NCKAP5: variants seen among roughly 807,000 people sequenced by gnomAD.
The protein encoded by NCKAP5 is nck-associated protein 5.
NCKAP5 carries 92 observed loss-of-function variants against 167.0 expected under a neutral mutation model. That is an observed-to-expected ratio of 0.55 (90% CI 0.47 to 0.66). The LOEUF is 0.66. NCKAP5 is among the 30% of genes least tolerant of loss of function. NCKAP5 has a pLI of 0.00. For synonymous variants in NCKAP5, 891 were observed against 877.4 expected, an observed-to-expected ratio of 1.02 and a Z score of -0.27; for missense variants, 2,378 against 2,315.0, an observed-to-expected ratio of 1.03 and a Z score of -0.56.
intron 6 of NCKAP5, among the ~76,000 whole-genome samples, chr2:133,057,535 C>T (rs1022671666): frequency 6.6e-6 from 1 of 152,166 alleles, no homozygotes; most frequent in Admixed American, 6.5e-5. Context: ...GTATAGAGGA[C>T]AAAGCAGCTA....
rs1168320144 is a variant in NCKAP5, at chr2:132,783,702, G to C, written c.3109C>G (p.Pro1037Ala). 3 of 1,613,582 alleles carry C rather than the reference G, an allele frequency of 1.9e-6. No individual in the cohort carries two copies. The highest frequency in any genetic ancestry group is 2.5e-6 in the Non-Finnish European group (3 of 1,179,720). Residue 1037 changes from proline to alanine, a missense_variant, in exon 14 of 20, where the codon CCA (proline) becomes GCA (alanine). By Grantham distance (27) the Pro-to-Ala change is conservative (BLOSUM62 -1). Around this residue, in one of 3 missense-constraint regions of NCKAP5, gnomAD observed 1,325 missense variants for 1,274.5 expected, o/e 1.04. Coordinates refer to ENST00000409261, the MANE Select transcript of NCKAP5 (RefSeq NM_207363.3). Reference sequence around the variant, plus strand: ...ACACCTCTCTTCGGAGAGACCTTTGGAGGCCCCAGAGCCATTACGGTGAAG... The same window carrying C: ...ACACCTCTCTTCGGAGAGACCTTTGCAGGCCCCAGAGCCATTACGGTGAAG... ...SSFTVMALGP[P>A]KVSPKRGVPK...
intron 7 of NCKAP5, among the ~76,000 whole-genome samples, chr2:132,978,273 C>A (rs1454374017): frequency 2.6e-5 from 4 of 152,142 alleles, no homozygotes; most frequent in African/African-American, 9.7e-5. Context: ...AAAGCTCTTC[C>A]AAATTAATCC....
At chr2:133,638,857 C>CAAAAAAAA in the NCKAP5 span, among the ~76,000 whole-genome samples, 4 of 84,058 alleles carry the variant, frequency 4.8e-5, no homozygotes, top group East Asian at 3.6e-4. Flanking sequence ...GACTCTATCT[C>CAAAAAAAA]AAAAAAAAAA....
At position 133,283,013 on chromosome 2, in the gene NCKAP5, A is replaced by C. The variant is rs565435901; in HGVS notation, c.143+20024T>G. On this transcript the variant is annotated intron_variant, in intron 4 of 19. Coordinates refer to ENST00000409261, the MANE Select transcript of NCKAP5 (RefSeq NM_207363.3). ...TCTTCCAGGGGCTTATTGTTTAACA[A>C]GAAAGACATAGGGTATTAACCTACC... Among the ~76,000 whole-genome samples, 4 of 152,346 alleles carry C rather than the reference A, an allele frequency of 2.6e-5. No individual in the cohort carries two copies. In the South Asian group the frequency reaches 8.3e-4, roughly 32 times the overall value.
intron 11 of NCKAP5, among the ~76,000 whole-genome samples, chr2:132,849,684 A>G (rs777249222): frequency 6.6e-6 from 1 of 152,196 alleles, no homozygotes; most frequent in Non-Finnish European, 1.5e-5. Flanking sequence ...GAGGTCACCT[A>G]GTCAGCATGT....
At chr2:133,292,274 A>G (rs1026740283) in intron 4 of NCKAP5, among the ~76,000 whole-genome samples, 2 of 152,010 alleles carry the variant, frequency 1.3e-5, no homozygotes, top group Non-Finnish European at 2.9e-5. Context: ...AAGCCATGGT[A>G]AATTACCCAT....
intron 6 of NCKAP5, among the ~76,000 whole-genome samples, chr2:133,062,893 A>G (rs1319520604): frequency 6.6e-6 from 1 of 152,130 alleles, no homozygotes; most frequent in African/African-American, 2.4e-5. Context: ...ATTTCATGGG[A>G]AAAAAATAAC....
chr2:132,886,025 C>T (rs555110016), intron 8 of NCKAP5, among the ~76,000 whole-genome samples: 37 of 152,292 alleles, frequency 2.4e-4, no homozygotes, highest in African/African-American at 7.2e-4. Flanking sequence ...AGCTCCCATG[C>T]TCCTTCCTGG....
At chr2:133,235,593 G>C (rs893839950) in intron 4 of NCKAP5, among the ~76,000 whole-genome samples, 1 of 152,058 alleles carries the variant, frequency 6.6e-6, no homozygotes, top group Non-Finnish European at 1.5e-5. Flanking sequence ...AATAATGCCA[G>C]AAAGTGGTGG....
chr2:133,021,037 A>G (rs1302083223), intron 6 of NCKAP5, among the ~76,000 whole-genome samples: 1 of 152,206 alleles, frequency 6.6e-6, no homozygotes, highest in Non-Finnish European at 1.5e-5. Context: ...CTAACCCTCC[A>G]TTCAGCACAC....
At chr2:132,817,826 C>T (rs1686394183) in intron 11 of NCKAP5, among the ~76,000 whole-genome samples, 1 of 152,170 alleles carries the variant, frequency 6.6e-6, no homozygotes, top group Non-Finnish European at 1.5e-5. Flanking sequence ...TCCACAGAAC[C>T]CAGCCCTACT....
chr2:132,886,788 C>T lies in NCKAP5; in HGVS notation c.580-7872G>A, dbSNP rs542116829. Among the ~76,000 whole-genome samples the T allele has an allele frequency of 4.6e-5, 7 of 152,262 alleles. No individual in the cohort carries two copies. The South Asian group carries it at 1.5e-3, about 32-fold the overall frequency. On this transcript the variant is annotated intron_variant, in intron 8 of 19. Transcript: ENST00000409261. ...CACATGATACCAATTTATCCTATTA[C>T]TACAGGTGGAGTATCTCTAATCTGA...
chr2:132,727,735 G>C (rs140464846), intron 18 of NCKAP5, among the ~76,000 whole-genome samples: 9 of 152,110 alleles, frequency 5.9e-5, no homozygotes, highest in Non-Finnish European at 1.2e-4. Context: ...TTCCAGTCTC[G>C]GCTCTACAGC....
At chr2:133,577,238 G>A in the NCKAP5 span, among the ~76,000 whole-genome samples, 1 of 152,288 alleles carries the variant, frequency 6.6e-6, no homozygotes, top group East Asian at 1.9e-4. Flanking sequence ...TGTGGTGAGA[G>A]AGAAGGAAGA....
intron 3 of NCKAP5, among the ~76,000 whole-genome samples, chr2:133,359,205 G>C (rs1684932676): frequency 6.6e-6 from 1 of 152,186 alleles, no homozygotes; most frequent in Non-Finnish European, 1.5e-5. Flanking sequence ...CCAGTTTCCA[G>C]ATAATGCAGT....
intron 11 of NCKAP5, among the ~76,000 whole-genome samples, chr2:132,843,364 T>G (rs190067157): frequency 6.6e-6 from 1 of 152,278 alleles, no homozygotes. Flanking sequence ...TTTGTATGTT[T>G]AACTGCTTTG....
chr2:133,229,157 C>G (rs997328942), intron 4 of NCKAP5, among the ~76,000 whole-genome samples: 1 of 151,990 alleles, frequency 6.6e-6, no homozygotes, highest in Non-Finnish European at 1.5e-5. Flanking sequence ...GGTGGGCAAA[C>G]AACAGGAAAT....
chr2:133,070,516 C>T (rs959803573), intron 6 of NCKAP5, among the ~76,000 whole-genome samples: 2 of 152,272 alleles, frequency 1.3e-5, no homozygotes, highest in South Asian at 2.1e-4. Context: ...CCTTAGTTCT[C>T]ATTTCCTAGG....
intron 19 of NCKAP5, among the ~76,000 whole-genome samples, chr2:132,699,488 C>T (rs1687672678): frequency 6.6e-6 from 1 of 151,968 alleles, no homozygotes; most frequent in Admixed American, 6.6e-5. Context: ...ACTCCCCCCT[C>T]CCCACGACAG....
Sources: gnomAD v4.1 joint callset for allele counts (sites outside exome capture counted in the v4.1 genomes callset) on GRCh38, gnomAD v4.1.1 for gene constraint, gnomAD v4.1.1 regional missense constraint, MANE v1.5 for transcripts, NCBI Gene and HGNC (gene_info 2026-07-23, HGNC 2026-07-21) for gene names.